The following CGGBP1 variants were observed in gnomAD, a reference collection of about 807,000 sequenced individuals.
CGGBP1 encodes the protein CGG triplet repeat binding protein 1, also known as CGG triplet repeat-binding protein 1.
Under a neutral mutation model 11.4 loss-of-function variants are expected in CGGBP1, and 4 were observed. That is an observed-to-expected ratio of 0.35 (90% confidence interval 0.17 to 0.80). The LOEUF (loss-of-function observed/expected upper bound fraction) is 0.80. Among genes scored for constraint, CGGBP1 ranks in the 30% least tolerant of loss-of-function variants. The pLI is 0.52. For missense variants in CGGBP1, 135 were observed against 202.1 expected (o/e 0.67, Z 2.01); for synonymous variants, 76 against 74.1 (o/e 1.03, Z -0.13).
intron 2 of CGGBP1, among the ~76,000 whole-genome samples, chr3:88,091,658 G>A (rs901800719): frequency 3.3e-5 from 5 of 152,154 alleles, no homozygotes; most frequent in Non-Finnish European, 5.9e-5. Flanking sequence ...TGTCATGGAA[G>A]GGACCCAATG....
At chr3:88,109,057 T>C (rs1704919808) in intron 2 of CGGBP1, among the ~76,000 whole-genome samples, 2 of 151,644 alleles carry the variant, frequency 1.3e-5, no homozygotes, top group Non-Finnish European at 2.9e-5. Context: ...TTGATGAAAA[T>C]TGGGTTAGGT....
chr3:88,058,564 C>T (rs1221568177), intron 1 of CGGBP1, among the ~76,000 whole-genome samples: 4 of 152,208 alleles, frequency 2.6e-5, no homozygotes, highest in Non-Finnish European at 5.9e-5. Context: ...GCTAGCTGGG[C>T]AAGGCCGAGT....
chr3:88,080,342 T>G (rs1708015797), intron 2 of CGGBP1, among the ~76,000 whole-genome samples: 2 of 152,132 alleles, frequency 1.3e-5, no homozygotes, highest in African/African-American at 4.8e-5. Context: ...TTTTGTTGTT[T>G]TCTTTTCTTA....
intron 2 of CGGBP1, chr3:88,139,603 C>T (rs1176795363): frequency 4.3e-6 from 7 of 1,613,682 alleles, no homozygotes; most frequent in Non-Finnish European, 5.9e-6. Context: ...ACACTTACTG[C>T]TTCTAGTGAA....
At chr3:88,113,104 A>C in intron 2 of CGGBP1, 1 of 1,517,344 alleles carries the variant, frequency 6.6e-7, no homozygotes, top group South Asian at 1.2e-5. Flanking sequence ...TTATTCACTT[A>C]TTCTTTCTAG....
chr3:88,126,351 A>T (rs1184489933), intron 2 of CGGBP1: 2 of 1,249,886 alleles, frequency 1.6e-6, no homozygotes, highest in African/African-American at 1.5e-5. Flanking sequence ...AGTAATAGTA[A>T]TTTTTCTTCA....
chr3:88,066,588 C>CCA (rs1303955355), intron 2 of CGGBP1, among the ~76,000 whole-genome samples: 2 of 145,418 alleles, frequency 1.4e-5, no homozygotes, highest in Non-Finnish European at 3.1e-5. Context: ...ACAAAAAAAA[C>CCA]AAAAAAACCT....
chr3:88,104,967 T>G (rs1185660078), intron 2 of CGGBP1, among the ~76,000 whole-genome samples: 1 of 152,104 alleles, frequency 6.6e-6, no homozygotes, highest in Non-Finnish European at 1.5e-5. Context: ...AGTGAAACCC[T>G]GTCTCTACTA....
intron 1 of CGGBP1, chr3:88,142,435 A>T (rs1707178120): frequency 1.3e-5 from 2 of 152,394 alleles, no homozygotes; most frequent in South Asian, 4.1e-4. Flanking sequence ...CTGGGGAGAG[A>T]TGAAAGGAAT....
At chr3:88,100,757 C>A (rs1329197787) in intron 2 of CGGBP1, among the ~76,000 whole-genome samples, 1 of 151,140 alleles carries the variant, frequency 6.6e-6, no homozygotes, top group African/African-American at 2.4e-5. Flanking sequence ...GGGAATTGAA[C>A]AATGAGAACA....
At chr3:88,139,977 G>A (rs781477499) in intron 2 of CGGBP1, 27 of 1,613,600 alleles carry the variant, frequency 1.7e-5, no homozygotes, top group South Asian at 6.6e-5. Flanking sequence ...TGCAATGACC[G>A]TACATCCAAC....
chr3:88,059,370 T>C, upstream of CGGBP1: 2 of 1,535,128 alleles, frequency 1.3e-6, no homozygotes, highest in Non-Finnish European at 1.7e-6. Context: ...GAGAAGAGCT[T>C]GTGGCCATTG....
At chr3:88,140,609 C>T (rs746479451) in intron 2 of CGGBP1, 8 of 1,613,540 alleles carry the variant, frequency 5.0e-6, no homozygotes, top group South Asian at 4.4e-5. Flanking sequence ...TCAATGGACA[C>T]AGTGAAATAG....
chr3:88,069,702 A>G (rs1707401087), intron 2 of CGGBP1, among the ~76,000 whole-genome samples: 1 of 152,218 alleles, frequency 6.6e-6, no homozygotes, highest in African/African-American at 2.4e-5. Context: ...GAAAGTTGAC[A>G]TTATAGAGTG....
chr3:88,095,533 C>G, intron 2 of CGGBP1: 2 of 496,504 alleles, frequency 4.0e-6, no homozygotes, highest in Non-Finnish European at 8.1e-6. Context: ...TTTGCAAGAA[C>G]CAGGTCTGCT....
chr3:88,135,039 T>G (rs1244979165), intron 2 of CGGBP1: 2 of 1,354,742 alleles, frequency 1.5e-6, no homozygotes, highest in South Asian at 3.6e-5. Flanking sequence ...TTTTGATAAT[T>G]CTCTTTTTTT....
At chr3:88,140,897 C>T in intron 2 of CGGBP1, 1 of 1,613,556 alleles carries the variant, frequency 6.2e-7, no homozygotes, top group South Asian at 1.1e-5. Flanking sequence ...GAGTAGATGC[C>T]TGTTCTGATC....
chr3:88,098,294 C>T (rs1704187006), intron 2 of CGGBP1, among the ~76,000 whole-genome samples: 1 of 152,138 alleles, frequency 6.6e-6, no homozygotes. Flanking sequence ...GAAGTTGAAT[C>T]TCTGAATACA....
chr3:88,124,579 A>G (rs1380693913), intron 2 of CGGBP1, among the ~76,000 whole-genome samples: 1 of 152,222 alleles, frequency 6.6e-6, no homozygotes, highest in African/African-American at 2.4e-5. Context: ...CAGTTTAATA[A>G]AAGCAAAGTG....
Sources: allele counts gnomAD v4.1 joint callset (sites outside exome capture counted in the v4.1 genomes callset), GRCh38; gene constraint gnomAD v4.1.1; transcripts MANE v1.5; gene names NCBI Gene and HGNC (gene_info 2026-07-23, HGNC 2026-07-21).